PANX1: variants seen among roughly 807,000 people sequenced by gnomAD.
PANX1 encodes the protein pannexin 1.
Under a neutral mutation model 38.7 loss-of-function variants are expected in PANX1, and 30 were observed. The ratio of observed to expected loss-of-function variants is 0.78; its 90% CI spans 0.58 to 1.05. The LOEUF (loss-of-function observed/expected upper bound fraction) is 1.05, where lower values mean the gene tolerates loss of function less well. Ranked by LOEUF, PANX1 falls within the 50% of genes least tolerant of loss-of-function variation. The pLI, the probability that PANX1 is intolerant of heterozygous loss-of-function variation, is 0.00. For missense variants in PANX1, 551 were observed against 517.2 expected (o/e 1.07, Z -0.63); for synonymous variants, 230 against 212.2 (o/e 1.08, Z -0.73).
At chr11:94,153,078 C>CTTGTTTTTT (rs1225953270) in intron 1 of PANX1, among the ~76,000 whole-genome samples, 1 of 152,138 alleles carries the variant, frequency 6.6e-6, no homozygotes, top group Admixed American at 6.5e-5. Context: ...TCTAAAAGAA[C>CTTGTTTTTT]TTGTTTTTTT....
chr11:94,135,033 G>A (rs970127162), intron 1 of PANX1, among the ~76,000 whole-genome samples: 2 of 152,186 alleles, frequency 1.3e-5, no homozygotes, highest in African/African-American at 2.4e-5. Flanking sequence ...GGCCTGAGGC[G>A]TCAGGGGCTG....
intron 2 of PANX1, among the ~76,000 whole-genome samples, chr11:94,155,810 T>C (rs150499514): frequency 1.3e-5 from 2 of 152,144 alleles, no homozygotes; most frequent in African/African-American, 2.4e-5. Context: ...GTGACTCTTT[T>C]CTCCTTTTAG....
At chr11:94,150,478 T>C (rs907787649) in intron 1 of PANX1, among the ~76,000 whole-genome samples, 62 of 152,164 alleles carry the variant, frequency 4.1e-4, no homozygotes, top group Admixed American at 3.3e-4. Context: ...GTAAATGAGA[T>C]AGAGGATGTG....
In PANX1 at chr11:94,129,449, C is replaced by G; in HGVS notation, c.137C>G (p.Pro46Arg). ...GTCACGTGCATTGCGGTGGGGCTGC[C>G]CCTGCTGCTCATCTCGCTGGCCTTC... Reference protein sequence around the residue: ...KMVTCIAVGLPLLLISLAFAQ... With the variant: ...KMVTCIAVGLRLLLISLAFAQ... Residue 46 changes from proline to arginine, a missense_variant, in exon 1 of 5, where the codon CCC (proline) becomes CGC (arginine). Transcript: ENST00000227638. 3 of 1,613,534 alleles carry G rather than the reference C, an allele frequency of 1.9e-6. No individual in the cohort carries two copies. The highest frequency in any genetic ancestry group is 2.7e-5 in the African/African-American group (2 of 75,012).
intron 1 of PANX1, among the ~76,000 whole-genome samples, chr11:94,138,977 C>G (rs990906924): frequency 8.5e-5 from 13 of 152,118 alleles, no homozygotes; most frequent in Non-Finnish European, 1.8e-4. Flanking sequence ...CCTCTACAGT[C>G]TGTTTTGTTC....
rs1315570882 is a variant in PANX1, at chr11:94,178,348, AT to A, written c.322-18del. On this transcript the variant is annotated intron_variant, in intron 2 of 4. Transcript: ENST00000227638. ...GCATGGGGGGTTTGTTAAGCCCATG[AT>A]TTGTTCTCTTGTTTTTCAGTTTTTC... 6.3e-7 allele frequency: 1 copy of A among 1,591,348 alleles called. No individual in the cohort carries two copies.
chr11:94,132,190 G>C (rs1196060287), intron 1 of PANX1, among the ~76,000 whole-genome samples: 2 of 152,200 alleles, frequency 1.3e-5, no homozygotes, highest in African/African-American at 4.8e-5. Flanking sequence ...TTATGTGCAT[G>C]ATGCTGTACC....
At chr11:94,140,459 C>T (rs939680029) in intron 1 of PANX1, among the ~76,000 whole-genome samples, 1 of 152,180 alleles carries the variant, frequency 6.6e-6, no homozygotes, top group African/African-American at 2.4e-5. Flanking sequence ...GCAGTTTGCT[C>T]ATTTATCTTT....
At chr11:94,167,955 C>T (rs981997651) in intron 2 of PANX1, among the ~76,000 whole-genome samples, 1 of 152,130 alleles carries the variant, frequency 6.6e-6, no homozygotes. Flanking sequence ...GAAGCCAGTG[C>T]AGTCTGGGAG....
intron 2 of PANX1, among the ~76,000 whole-genome samples, chr11:94,170,158 C>T (rs749616852): frequency 6.6e-6 from 1 of 151,678 alleles, no homozygotes; most frequent in East Asian, 1.9e-4. Flanking sequence ...TTACCCATCT[C>T]CTGAATTTTT....
intron 2 of PANX1, among the ~76,000 whole-genome samples, chr11:94,162,039 T>C (rs747335807): frequency 6.6e-6 from 1 of 152,192 alleles, no homozygotes; most frequent in Non-Finnish European, 1.5e-5. Flanking sequence ...CAGCAGATAC[T>C]GGTGAGCAGC....
At chr11:94,142,227 G>A (rs1281066002) in intron 1 of PANX1, among the ~76,000 whole-genome samples, 1 of 152,182 alleles carries the variant, frequency 6.6e-6, no homozygotes, top group African/African-American at 2.4e-5. Context: ...TCCTGCTGGG[G>A]AGGGTGCCTA....
intron 2 of PANX1, among the ~76,000 whole-genome samples, chr11:94,158,088 G>C (rs1348229371): frequency 6.6e-6 from 1 of 152,096 alleles, no homozygotes; most frequent in Non-Finnish European, 1.5e-5. Flanking sequence ...GCTCTGTTCT[G>C]TTCCATTGAT....
At position 94,181,482 on chromosome 11, in the gene PANX1, ACTGTGCCTTGAAGGG is replaced by A. The variant is rs1947306347; in HGVS notation, c.*615_*629del. The A allele has an allele frequency of 6.6e-6, 1 of 152,490 alleles. No homozygotes were observed. Among genetic ancestry groups the A allele is most frequent in the African/African-American group, 2.4e-5 (1 of 41,448 alleles). The allele number at this position is 152,490 out of a possible 1,614,324, so 9.4% of individuals were successfully genotyped here. A position where few individuals can be genotyped will look rare whatever the true frequency, so the allele number is the denominator to read the frequency against. ...AAATCCCGTAACCACTATTTGTTGC[ACTGTGCCTTGAAGGG>A]CAGCAGGCCCAAGTGCTGCTCTGAC... On this transcript the variant is annotated 3_prime_UTR_variant, in exon 5 of 5. Transcript: ENST00000227638.
At chr11:94,150,764 A>G (rs11603316) in intron 1 of PANX1, among the ~76,000 whole-genome samples, 50,255 of 151,968 alleles carry the variant, frequency 0.33, 8,544 homozygotes, top group Admixed American at 0.4. Flanking sequence ...TGGCCTGGGA[A>G]TACCCAATAC....
At chr11:94,177,850 G>C (rs574859761) in intron 2 of PANX1, among the ~76,000 whole-genome samples, 1 of 152,042 alleles carries the variant, frequency 6.6e-6, no homozygotes, top group Non-Finnish European at 1.5e-5. Context: ...TATTTCAGCT[G>C]TCTTATTGGG....
intron 1 of PANX1, among the ~76,000 whole-genome samples, chr11:94,134,706 C>G (rs1351978493): frequency 6.6e-6 from 1 of 150,634 alleles, no homozygotes; most frequent in Non-Finnish European, 1.5e-5. Flanking sequence ...CTCCCACTAC[C>G]CCCCTTCCTC....
chr11:94,135,802 TTGTC>T (rs771961879), intron 1 of PANX1, among the ~76,000 whole-genome samples: 2 of 152,256 alleles, frequency 1.3e-5, no homozygotes, highest in African/African-American at 4.8e-5. Context: ...TTGCTGTACT[TTGTC>T]TGCATTAGCA....
chr11:94,153,158 C>T (rs369868243), intron 1 of PANX1, among the ~76,000 whole-genome samples: 3 of 152,170 alleles, frequency 2.0e-5, no homozygotes, highest in South Asian at 2.1e-4. Context: ...TCAATCCTTA[C>T]TCCAAACTAA....
Sources: allele counts gnomAD v4.1 joint callset (sites outside exome capture counted in the v4.1 genomes callset), GRCh38; gene constraint gnomAD v4.1.1; transcripts MANE v1.5; gene names NCBI Gene and HGNC (gene_info 2026-07-23, HGNC 2026-07-21).